The following LRRTM4 variants were observed in gnomAD, a reference collection of about 807,000 sequenced individuals.
The protein encoded by LRRTM4 is leucine-rich repeat transmembrane neuronal protein 4.
LRRTM4 carries 25 observed loss-of-function variants against 47.6 expected under a neutral mutation model. That is an observed-to-expected ratio of 0.53 (90% CI 0.38 to 0.73). The LOEUF (loss-of-function observed/expected upper bound fraction) is 0.73, where lower values mean the gene tolerates loss of function less well. Among genes scored for constraint, LRRTM4 ranks in the 30% least tolerant of loss-of-function variants. The probability of loss-of-function intolerance (pLI) is 0.00; values close to 1 mark genes in which losing one functional copy is unlikely to be tolerated. For synonymous variants in LRRTM4, 311 were observed against 269.5 expected, an observed-to-expected ratio of 1.15 and a Z score of -1.51; for missense variants, 638 against 713.4, an observed-to-expected ratio of 0.89 and a Z score of 1.20.
chr2:77,310,404 C>G (rs1677419347), intron 3 of LRRTM4, among the ~76,000 whole-genome samples: 1 of 152,010 alleles, frequency 6.6e-6, no homozygotes, highest in South Asian at 2.1e-4. Flanking sequence ...AGTTGTCAAT[C>G]ATTGGTTGTA....
intron 3 of LRRTM4, among the ~76,000 whole-genome samples, chr2:77,513,781 G>A (rs781667831): frequency 1.4e-4 from 22 of 151,870 alleles, no homozygotes; most frequent in Non-Finnish European, 3.2e-4. Context: ...GGTCAGACTG[G>A]TCTAAAACTC....
chr2:76,802,858 C>T (rs544475266), intron 3 of LRRTM4, among the ~76,000 whole-genome samples: 7 of 152,206 alleles, frequency 4.6e-5, no homozygotes, highest in East Asian at 1.9e-4. Context: ...AGAAAGGACA[C>T]GCTCATCAAT....
At chr2:77,179,158 T>G (rs2103852532) in intron 3 of LRRTM4, among the ~76,000 whole-genome samples, 1 of 152,268 alleles carries the variant, frequency 6.6e-6, no homozygotes, top group East Asian at 1.9e-4. Flanking sequence ...AGGAAATCTA[T>G]GGATGCCCCA....
intron 3 of LRRTM4, among the ~76,000 whole-genome samples, chr2:77,165,445 C>T (rs1031742160): frequency 1.3e-5 from 2 of 152,166 alleles, no homozygotes; most frequent in East Asian, 1.9e-4. Flanking sequence ...AGAGGGAATC[C>T]TTCCTAACTC....
chr2:76,843,164 G>A (rs1331905395), intron 3 of LRRTM4, among the ~76,000 whole-genome samples: 1 of 152,088 alleles, frequency 6.6e-6, no homozygotes, highest in Non-Finnish European at 1.5e-5. Context: ...AAATTTGAGT[G>A]AGGAGAAGTA....
chr2:77,051,168 G>C (rs934457070), intron 3 of LRRTM4, among the ~76,000 whole-genome samples: 1 of 151,946 alleles, frequency 6.6e-6, no homozygotes, highest in African/African-American at 2.4e-5. Context: ...AGTGGGCAAA[G>C]ATCAGGGGTG....
At chr2:77,504,055 C>A (rs1483259132) in intron 3 of LRRTM4, among the ~76,000 whole-genome samples, 1 of 151,490 alleles carries the variant, frequency 6.6e-6, no homozygotes, top group Non-Finnish European at 1.5e-5. Flanking sequence ...TAATACAGAG[C>A]AGTAATAGAG....
rs368343272 is a variant in LRRTM4, at chr2:77,338,000, C to T, written c.1551+180318G>A. 3.6e-4 allele frequency among the ~76,000 whole-genome samples: 55 copies of T among 152,104 alleles called. 1 individual carries two copies. The highest frequency in any genetic ancestry group is 1.2e-3 in the African/African-American group (48 of 41,486). The stretch of plus-strand genomic sequence containing the variant: ...AAACTAAGCAATGGTGAAAGGAATC[C>T]CCATAGAATAAATAATGCTGGAATA... On this transcript the variant is annotated intron_variant, in intron 3 of 3. Transcript: ENST00000409884.
At chr2:77,297,110 TTTG>T (rs754389374) in intron 3 of LRRTM4, among the ~76,000 whole-genome samples, 72 of 152,150 alleles carry the variant, frequency 4.7e-4, no homozygotes, top group Non-Finnish European at 8.8e-4. Flanking sequence ...TTATTGTTTT[TTTG>T]TTGTTGTTGT....
chr2:76,884,265 A>G (rs1367793288), intron 3 of LRRTM4, among the ~76,000 whole-genome samples: 1 of 152,210 alleles, frequency 6.6e-6, no homozygotes, highest in African/African-American at 2.4e-5. Context: ...AAGAAGAAAG[A>G]GTCTAAATGA....
Position 77,360,532 on chromosome 2 carries a change from GATACA to G in LRRTM4, c.1551+157781_1551+157785del, listed in dbSNP as rs1357446738. Among the ~76,000 whole-genome samples, 405 of 105,838 alleles carry G rather than the reference GATACA, an allele frequency of 3.8e-3. 6 individuals are homozygous for G. Among genetic ancestry groups the G allele is most frequent in the East Asian group, 0.029 (115 of 3,918 alleles). 69.4% of individuals were successfully genotyped at this position (105,838 alleles called of 152,430 possible). A position where few individuals can be genotyped will look rare whatever the true frequency, so the allele number is the denominator to read the frequency against. Reference sequence around the variant, plus strand: ...GATACGATACGATACGATACGATACGATACAATACAATCATTCATACATACATACA... The same window carrying G: ...GATACGATACGATACGATACGATACGATACAATCATTCATACATACATACA... On this transcript the variant is annotated intron_variant, in intron 3 of 3. Coordinates refer to ENST00000409884, the MANE Select transcript of LRRTM4 (RefSeq NM_001134745.3).
Position 77,521,947 on chromosome 2 carries a change from G to T in LRRTM4, c.-147-129C>A, listed in dbSNP as rs1045747942. On this transcript the variant is annotated intron_variant, in intron 1 of 3. Coordinates refer to ENST00000409884, the MANE Select transcript of LRRTM4 (RefSeq NM_001134745.3). ...GCAGGGAAAAGGAAGCCGTTGGGGG[G>T]ATAGGGATGGGGGAGGGCCTCTAGG... is the stretch of plus-strand genomic sequence containing the variant. The T allele has an allele frequency of 4.7e-5, 27 of 572,430 alleles. No homozygotes were observed. The African/African-American group carries it at 5.0e-4, about 11-fold the overall frequency. 35.5% of individuals were successfully genotyped at this position (572,430 alleles called of 1,614,324 possible).
intron 3 of LRRTM4, among the ~76,000 whole-genome samples, chr2:76,980,131 G>A (rs1676556091): frequency 6.6e-6 from 1 of 152,046 alleles, no homozygotes; most frequent in Non-Finnish European, 1.5e-5. Context: ...AAGTATCCAT[G>A]TTCTTCTGTG....
At chr2:77,332,406 C>A (rs1365321579) in intron 3 of LRRTM4, among the ~76,000 whole-genome samples, 1 of 152,074 alleles carries the variant, frequency 6.6e-6, no homozygotes, top group African/African-American at 2.4e-5. Flanking sequence ...TTTAGAATAA[C>A]CTTCCTCTAT....
intron 3 of LRRTM4, among the ~76,000 whole-genome samples, chr2:76,906,281 C>T (rs1224081553): frequency 6.6e-6 from 1 of 152,052 alleles, no homozygotes; most frequent in Non-Finnish European, 1.5e-5. Context: ...AAATACTTTA[C>T]AGACAAGCAA....
chr2:77,211,236 G>A (rs764428713), intron 3 of LRRTM4, among the ~76,000 whole-genome samples: 1 of 152,188 alleles, frequency 6.6e-6, no homozygotes, highest in Non-Finnish European at 1.5e-5. Flanking sequence ...CCAGAAACTA[G>A]TGCTAAGGCC....
chr2:77,508,506 C>T (rs575083750), intron 3 of LRRTM4, among the ~76,000 whole-genome samples: 66 of 152,252 alleles, frequency 4.3e-4, no homozygotes, highest in Middle Eastern at 3.4e-3. Context: ...CTGTACCAAT[C>T]ACAAAGAAAA....
intron 3 of LRRTM4, among the ~76,000 whole-genome samples, chr2:77,315,756 G>T (rs531740575): frequency 2.6e-5 from 4 of 151,992 alleles, no homozygotes; most frequent in Non-Finnish European, 5.9e-5. Context: ...TACAACCCAG[G>T]GCTGTCTGTC....
intron 3 of LRRTM4, among the ~76,000 whole-genome samples, chr2:77,370,193 G>A (rs1296445983): frequency 6.6e-6 from 1 of 151,664 alleles, no homozygotes; most frequent in Admixed American, 6.6e-5. Context: ...ACAGAAGACA[G>A]TGGGTCAGAT....
Sources: allele counts gnomAD v4.1 joint callset (sites outside exome capture counted in the v4.1 genomes callset), GRCh38; gene constraint gnomAD v4.1.1; transcripts MANE v1.5; gene names NCBI Gene and HGNC (gene_info 2026-07-23, HGNC 2026-07-21).